LRRC63: variants seen among roughly 807,000 people sequenced by gnomAD.
LRRC63 encodes leucine rich repeat containing 63.
In LRRC63, 40 loss-of-function variants were observed where a neutral mutation model predicts 49.5. That is an observed-to-expected ratio of 0.81 (90% confidence interval 0.63 to 1.05). The LOEUF is 1.05. LRRC63 is among the 50% of genes least tolerant of loss of function. The pLI, the probability that LRRC63 is intolerant of heterozygous loss-of-function variation, is 0.00. For missense variants in LRRC63, 636 were observed against 663.1 expected, an observed-to-expected ratio of 0.96 and a Z score of 0.45; for synonymous variants, 191 against 221.1, an observed-to-expected ratio of 0.86 and a Z score of 1.21.
intron 1 of LRRC63, among the ~76,000 whole-genome samples, chr13:46,212,682 A>G (rs1221162612): frequency 6.6e-6 from 1 of 152,214 alleles, no homozygotes; most frequent in Admixed American, 6.5e-5. Flanking sequence ...AAAAATCAGT[A>G]TTTACTAGTT....
intron 2 of LRRC63, among the ~76,000 whole-genome samples, chr13:46,225,646 A>G (rs2046550079): frequency 6.6e-6 from 1 of 152,210 alleles, no homozygotes; most frequent in African/African-American, 2.4e-5. Context: ...ACTTAAATAT[A>G]TTGGTATAGC....
chr13:46,223,525 C>T (rs2046475921), intron 2 of LRRC63, among the ~76,000 whole-genome samples: 2 of 149,542 alleles, frequency 1.3e-5, no homozygotes, highest in Admixed American at 1.3e-4. Context: ...AATATATCAC[C>T]TCATTCTCTT....
intron 7 of LRRC63, among the ~76,000 whole-genome samples, chr13:46,257,026 G>A (rs1004636626): frequency 2.0e-5 from 3 of 152,194 alleles, no homozygotes; most frequent in African/African-American, 7.2e-5. Flanking sequence ...TGGATTAGTT[G>A]AGTGGTCCCA....
chr13:46,222,610 G>A (rs1424269309), intron 2 of LRRC63, among the ~76,000 whole-genome samples: 1 of 152,072 alleles, frequency 6.6e-6, no homozygotes, highest in Admixed American at 6.6e-5. Context: ...TACACTGTTG[G>A]TGGGACTGTA....
At chr13:46,220,056 G>A (rs1046663538) in intron 2 of LRRC63, among the ~76,000 whole-genome samples, 1 of 152,318 alleles carries the variant, frequency 6.6e-6, no homozygotes, top group East Asian at 1.9e-4. Context: ...GCTGGGAGGT[G>A]TCTCCCAGTC....
intron 5 of LRRC63, among the ~76,000 whole-genome samples, chr13:46,244,005 CA>C (rs535040579): frequency 2.0e-5 from 3 of 150,100 alleles, no homozygotes; most frequent in Non-Finnish European, 4.5e-5. Flanking sequence ...CTGAGGAGTA[CA>C]AAAAAAAATT....
chr13:46,219,952 T>G (rs74530206), intron 2 of LRRC63, among the ~76,000 whole-genome samples: 7,688 of 152,288 alleles, frequency 0.05, 680 homozygotes, highest in African/African-American at 0.18. Flanking sequence ...CAGCAAAGAT[T>G]GTTGCCTGCT....
At chr13:46,270,206 C>T in intron 9 of LRRC63, 5 of 830,952 alleles carry the variant, frequency 6.0e-6, no homozygotes, top group South Asian at 1.3e-5. Flanking sequence ...GCACTCTAAC[C>T]GAATATGTGT....
chr13:46,269,792 A>G (rs2047730192), intron 9 of LRRC63, among the ~76,000 whole-genome samples: 1 of 148,160 alleles, frequency 6.7e-6, no homozygotes, highest in South Asian at 2.1e-4. Context: ...TGAATAATAT[A>G]TATATATTAT....
At chr13:46,219,594 A>G (rs1330832258) in intron 2 of LRRC63, among the ~76,000 whole-genome samples, 5 of 152,124 alleles carry the variant, frequency 3.3e-5, no homozygotes, top group Admixed American at 3.3e-4. Context: ...TCTGAAGCCT[A>G]CTTCTGTCAA....
intron 8 of LRRC63, among the ~76,000 whole-genome samples, chr13:46,262,964 T>G (rs1444087689): frequency 6.6e-6 from 1 of 152,232 alleles, no homozygotes; most frequent in Non-Finnish European, 1.5e-5. Context: ...AATTTTACCT[T>G]TGCTTTTAAA....
At chr13:46,232,751 AT>A (rs1198432486) in intron 4 of LRRC63, among the ~76,000 whole-genome samples, 1 of 152,196 alleles carries the variant, frequency 6.6e-6, no homozygotes, top group Non-Finnish European at 1.5e-5. Context: ...TAAAAAAAAA[AT>A]AAAATATCTG....
rs1277554928 is a variant in LRRC63 at position 46,228,267 on chromosome 13, C to A, written c.763+78C>A. 4 of 1,117,944 alleles carry A rather than the reference C, an allele frequency of 3.6e-6. No homozygotes were observed. The South Asian group carries it at 6.5e-5, about 18-fold the overall frequency. 69.3% of individuals were successfully genotyped at this position (1,117,944 alleles called of 1,614,324 possible). On this transcript the variant is annotated intron_variant, in intron 3 of 9. Transcript: ENST00000595396. ...AGAGAAGGCATGCAAGCTAATGGTA[C>A]CCCTCCCGCTTTGGGTTTGCAGAAT...
chr13:46,214,324 T>C (rs544529902), intron 2 of LRRC63, among the ~76,000 whole-genome samples: 1 of 152,356 alleles, frequency 6.6e-6, no homozygotes, highest in Non-Finnish European at 1.5e-5. Flanking sequence ...TTTCCTCTCC[T>C]ACTTTCTCTC....
exon 7 of LRRC63, chr13:46,250,414 T>G: frequency 1.3e-6 from 2 of 1,529,828 alleles, no homozygotes; most frequent in Non-Finnish European, 1.8e-6. Context: ...TCAAAGAAAT[T>G]CCTTCTGAAA....
At chr13:46,255,269 A>G (rs2047480914) in intron 7 of LRRC63, among the ~76,000 whole-genome samples, 1 of 152,100 alleles carries the variant, frequency 6.6e-6, no homozygotes, top group Non-Finnish European at 1.5e-5. Context: ...CAGGTATAGC[A>G]GAGAGGGGAG....
chr13:46,273,437 C>T (rs1265262916), intron 9 of LRRC63, among the ~76,000 whole-genome samples: 2 of 151,742 alleles, frequency 1.3e-5, no homozygotes, highest in Non-Finnish European at 2.9e-5. Flanking sequence ...CCTGTCTCTA[C>T]TAAAAATACA....
At chr13:46,237,547 A>C (rs2046937525) in intron 5 of LRRC63, among the ~76,000 whole-genome samples, 1 of 152,168 alleles carries the variant, frequency 6.6e-6, no homozygotes, top group Admixed American at 6.5e-5. Flanking sequence ...ACTTGAAGAA[A>C]GAGAGCAAAC....
intron 5 of LRRC63, among the ~76,000 whole-genome samples, chr13:46,236,218 G>A (rs2046900057): frequency 6.6e-6 from 1 of 151,920 alleles, no homozygotes; most frequent in African/African-American, 2.4e-5. Flanking sequence ...GGTCTCTGGA[G>A]AAAAGAAGAG....
Sources: gnomAD v4.1 joint callset for allele counts (sites outside exome capture counted in the v4.1 genomes callset) on GRCh38, gnomAD v4.1.1 for gene constraint, MANE v1.5 for transcripts, NCBI Gene and HGNC (gene_info 2026-07-23, HGNC 2026-07-21) for gene names.